MCC: variants seen among roughly 807,000 people sequenced by gnomAD.
The protein encoded by MCC is MCC regulator of Wnt signaling pathway.
A neutral mutation model predicts 116.2 loss-of-function variants in MCC; 90 were observed. That is an observed-to-expected ratio of 0.77 (90% confidence interval 0.65 to 0.92). The LOEUF (loss-of-function observed/expected upper bound fraction) is 0.92, where lower values mean the gene tolerates loss of function less well. Ranked by LOEUF, MCC falls within the 40% of genes least tolerant of loss-of-function variation. The pLI is 0.00. For missense variants in MCC, 1,516 were observed against 1,312.2 expected (o/e 1.16, Z -2.40); for synonymous variants, 578 against 510.5 (o/e 1.13, Z -1.78).
Position 113,135,959 on chromosome 5 carries a change from C to T in MCC, c.884+7259G>A, listed in dbSNP as rs140628486. ...ACTCAGGAGGGGGAGGCACGAGAAT[C>T]ACTTGAACTCAGGAGGCAGAGGTTG... is the stretch of plus-strand genomic sequence containing the variant. On this transcript the variant is annotated intron_variant, in intron 5 of 18. Transcript: ENST00000408903. Among the ~76,000 whole-genome samples, 67 of 152,072 alleles carry T rather than the reference C, an allele frequency of 4.4e-4. No homozygotes were observed. In the East Asian group the frequency reaches 0.012, roughly 26 times the overall value.
chr5:113,145,922 G>A (rs1270703894), intron 4 of MCC, among the ~76,000 whole-genome samples: 1 of 152,120 alleles, frequency 6.6e-6, no homozygotes, highest in Non-Finnish European at 1.5e-5. Flanking sequence ...ATACCTGCAT[G>A]AACAAGAGGC....
intron 5 of MCC, among the ~76,000 whole-genome samples, chr5:113,135,347 G>A (rs1758749678): frequency 6.7e-6 from 1 of 149,190 alleles, no homozygotes. Flanking sequence ...AAGGTCAGGA[G>A]ATCGAGACCA....
At chr5:113,037,551 G>C (rs773559389) in intron 17 of MCC, among the ~76,000 whole-genome samples, 3 of 152,182 alleles carry the variant, frequency 2.0e-5, no homozygotes, top group Non-Finnish European at 4.4e-5. Flanking sequence ...AAATTAGCCA[G>C]GCGTGGTGGT....
At chr5:113,254,517 A>G (rs1175177652) in intron 3 of MCC, among the ~76,000 whole-genome samples, 4 of 152,212 alleles carry the variant, frequency 2.6e-5, no homozygotes, top group Non-Finnish European at 1.5e-5. Flanking sequence ...AAATGAGAAA[A>G]CAGGCAATTA....
Position 113,025,217 on chromosome 5 carries a change from G to GCT in MCC, c.*2084_*2085insAG, listed in dbSNP as rs1750452283. The GCT allele has an allele frequency of 6.6e-6, 1 of 151,034 alleles. No individual in the cohort carries two copies. The highest frequency in any genetic ancestry group is 1.5e-5 in the Non-Finnish European group (1 of 67,870). 9.4% of individuals were successfully genotyped at this position (151,034 alleles called of 1,614,324 possible). On this transcript the variant is annotated 3_prime_UTR_variant, in exon 19 of 19. Coordinates refer to ENST00000408903, the MANE Select transcript of MCC (RefSeq NM_001085377.2). ...TGCTCAGGGGAGGACGTTTCCCTAG[G>GCT]CAAGCTGGAAAAATAGTGAAAACTG...
intron 1 of MCC, among the ~76,000 whole-genome samples, chr5:113,422,535 G>A (rs1466520231): frequency 6.6e-6 from 1 of 152,190 alleles, no homozygotes; most frequent in Non-Finnish European, 1.5e-5. Flanking sequence ...GCTTTTGCAA[G>A]CAAGTACGAG....
intron 1 of MCC, among the ~76,000 whole-genome samples, chr5:113,404,604 T>C (rs963114074): frequency 6.6e-6 from 1 of 152,238 alleles, no homozygotes; most frequent in African/African-American, 2.4e-5. Flanking sequence ...TTTCTAGAAA[T>C]GTATCCTAGG....
At chr5:113,159,932 C>T (rs1760389487) in intron 3 of MCC, among the ~76,000 whole-genome samples, 2 of 152,114 alleles carry the variant, frequency 1.3e-5, no homozygotes, top group African/African-American at 4.8e-5. Flanking sequence ...TTTTGTGTGC[C>T]CTAGATCAAC....
intron 3 of MCC, among the ~76,000 whole-genome samples, chr5:113,311,576 G>A (rs1218009332): frequency 2.6e-5 from 4 of 152,136 alleles, no homozygotes; most frequent in South Asian, 2.1e-4. Context: ...CCAAATACAT[G>A]AGCAATAAAC....
At chr5:113,431,764 G>GGT (rs565498334) in intron 1 of MCC, among the ~76,000 whole-genome samples, 2 of 19,274 alleles carry the variant, frequency 1.0e-4, no homozygotes, top group Non-Finnish European at 2.5e-4. Context: ...GGGAGGCCAA[G>GGT]GGGGGGGGGG....
intron 3 of MCC, among the ~76,000 whole-genome samples, chr5:113,174,682 G>A (rs1328845513): frequency 6.7e-6 from 1 of 149,724 alleles, no homozygotes; most frequent in Non-Finnish European, 1.5e-5. Context: ...ACAGCTCACT[G>A]CAGCTTCAAA....
At chr5:113,308,574 C>G (rs376022153) in intron 3 of MCC, among the ~76,000 whole-genome samples, 18 of 152,106 alleles carry the variant, frequency 1.2e-4, no homozygotes, top group African/African-American at 3.9e-4. Context: ...AATAATCCCA[C>G]CACTTTGGGA....
chr5:113,090,766 T>C (rs1755571233), intron 8 of MCC, among the ~76,000 whole-genome samples: 1 of 152,138 alleles, frequency 6.6e-6, no homozygotes, highest in Non-Finnish European at 1.5e-5. Flanking sequence ...ACACAACAAT[T>C]GAAACTTCCC....
intron 3 of MCC, among the ~76,000 whole-genome samples, chr5:113,295,537 A>C (rs1766684338): frequency 6.8e-6 from 1 of 147,104 alleles, no homozygotes; most frequent in Non-Finnish European, 1.5e-5. Context: ...GAAAGATGTC[A>C]GATAGGCTCC....
rs186822727 is a variant in MCC at position 113,217,298 on chromosome 5, T to C, written c.628-65876A>G. On this transcript the variant is annotated intron_variant, in intron 3 of 18. Transcript: ENST00000408903. The stretch of plus-strand genomic sequence containing the variant: ...CATCAACAAACTGTTCTGTAAATTG[T>C]CTTTTCCTGATAGAATTTACCATAA... 2.0e-4 allele frequency among the ~76,000 whole-genome samples: 30 copies of C among 152,348 alleles called. No individual in the cohort carries two copies. The East Asian group carries it at 4.2e-3, about 22-fold the overall frequency.
At chr5:113,075,232 C>T (rs554381395) in intron 11 of MCC, among the ~76,000 whole-genome samples, 17 of 152,336 alleles carry the variant, frequency 1.1e-4, no homozygotes, top group African/African-American at 3.1e-4. Flanking sequence ...GGCCCGCTCG[C>T]GCCACGCTCG....
chr5:113,200,790 G>T (rs1762638998), intron 3 of MCC, among the ~76,000 whole-genome samples: 1 of 152,220 alleles, frequency 6.6e-6, no homozygotes, highest in Admixed American at 6.5e-5. Context: ...TGCCCAGGTG[G>T]CTACCTAGGT....
chr5:113,172,953 C>T (rs951811505), intron 3 of MCC, among the ~76,000 whole-genome samples: 3 of 151,904 alleles, frequency 2.0e-5, no homozygotes, highest in African/African-American at 7.3e-5. Flanking sequence ...TGTCGTAAAT[C>T]TACTGGACAC....
At chr5:113,398,657 G>A (rs555908607) in intron 1 of MCC, among the ~76,000 whole-genome samples, 1 of 152,268 alleles carries the variant, frequency 6.6e-6, no homozygotes, top group Admixed American at 6.5e-5. Context: ...AGATGGCAAC[G>A]ATAGACACTT....
Sources: allele counts gnomAD v4.1 joint callset (sites outside exome capture counted in the v4.1 genomes callset), GRCh38; gene constraint gnomAD v4.1.1; transcripts MANE v1.5; gene names NCBI Gene and HGNC (gene_info 2026-07-23, HGNC 2026-07-21).